The following HSD17B12 variants were observed in gnomAD, a reference collection of about 807,000 sequenced individuals.
The protein encoded by HSD17B12 is hydroxysteroid 17-beta dehydrogenase 12.
In HSD17B12, 32 loss-of-function variants were observed where a neutral mutation model predicts 39.3. That is an observed-to-expected ratio of 0.81 (90% confidence interval 0.61 to 1.09). The LOEUF is 1.09. Ranked by LOEUF, HSD17B12 falls within the 50% of genes least tolerant of loss-of-function variation. The pLI is 0.00. For synonymous variants in HSD17B12, 150 were observed against 146.7 expected (o/e 1.02, Z -0.16); for missense variants, 342 against 382.9 (o/e 0.89, Z 0.89).
At chr11:43,588,610 C>T in the HSD17B12 span, among the ~76,000 whole-genome samples, 4 of 144,974 alleles carry the variant, frequency 2.8e-5, no homozygotes, top group Non-Finnish European at 6.0e-5. Context: ...TTATTATTAG[C>T]TATTATTATT....
chr11:43,735,828 G>A (rs1445347343), intron 1 of HSD17B12, among the ~76,000 whole-genome samples: 6 of 152,144 alleles, frequency 3.9e-5, no homozygotes, highest in Admixed American at 3.3e-4. Context: ...CAATCATGGT[G>A]GAAGATGAAG....
At chr11:43,697,766 G>C (rs1949925468) in intron 1 of HSD17B12, among the ~76,000 whole-genome samples, 1 of 152,206 alleles carries the variant, frequency 6.6e-6, no homozygotes, top group South Asian at 2.1e-4. Flanking sequence ...TCTAAAAGAA[G>C]GTTGAGAGAG....
the HSD17B12 span, among the ~76,000 whole-genome samples, chr11:43,673,944 G>A: frequency 6.6e-6 from 1 of 152,160 alleles, no homozygotes; most frequent in South Asian, 2.1e-4. Flanking sequence ...CATAAAATGG[G>A]GTTAAGAGTA....
At chr11:43,581,619 G>A in the HSD17B12 span, 1 of 373,044 alleles carries the variant, frequency 2.7e-6, no homozygotes, top group Non-Finnish European at 5.5e-6. This position sits in a 1 kb window ranked among gnomAD's most constrained non-coding sequence, Gnocchi z 4.9. Context: ...CCTTTCCGCG[G>A]TGCCCGAGGC....
intron 3 of HSD17B12, among the ~76,000 whole-genome samples, chr11:43,770,251 A>G (rs1950636100): frequency 6.6e-6 from 1 of 152,204 alleles, no homozygotes; most frequent in African/African-American, 2.4e-5. Flanking sequence ...TTTTCTTCTG[A>G]AAATTTACAG....
intron 1 of HSD17B12, among the ~76,000 whole-genome samples, chr11:43,713,522 C>A (rs1267000772): frequency 1.3e-5 from 2 of 152,058 alleles, no homozygotes; most frequent in African/African-American, 2.4e-5. Context: ...TTAATCCAGT[C>A]TATCATTGTT....
At chr11:43,596,851 C>T in the HSD17B12 span, among the ~76,000 whole-genome samples, 7 of 152,200 alleles carry the variant, frequency 4.6e-5, no homozygotes, top group African/African-American at 1.7e-4. Flanking sequence ...CATCAAGTCC[C>T]CCAAAGGAGA....
At chr11:43,610,902 T>C in the HSD17B12 span, among the ~76,000 whole-genome samples, 1 of 152,154 alleles carries the variant, frequency 6.6e-6, no homozygotes, top group Non-Finnish European at 1.5e-5. Context: ...AAGAGGAACA[T>C]GGTGTTTTTC....
chr11:43,710,285 G>A (rs961281602), intron 1 of HSD17B12, among the ~76,000 whole-genome samples: 1 of 152,118 alleles, frequency 6.6e-6, no homozygotes, highest in Admixed American at 6.6e-5. Context: ...CCTTTTTACA[G>A]TTAGAGTGAT....
At chr11:43,721,514 G>A (rs1193811902) in intron 1 of HSD17B12, among the ~76,000 whole-genome samples, 2 of 152,150 alleles carry the variant, frequency 1.3e-5, no homozygotes, top group Non-Finnish European at 2.9e-5. Flanking sequence ...AGCTACTCGG[G>A]AGGCTAAGCC....
At chr11:43,838,233 ATAAT>A in intron 7 of HSD17B12, 80 bp from the exon 8 acceptor site, 1 of 930,492 alleles carries the variant, frequency 1.1e-6, no homozygotes, top group Non-Finnish European at 1.8e-6. Context: ...TCTGTTTCGA[ATAAT>A]TATATATCTC....
chr11:43,684,834 G>A (rs1565047107), intron 1 of HSD17B12, among the ~76,000 whole-genome samples: 1 of 152,102 alleles, frequency 6.6e-6, no homozygotes. Context: ...AAGAAATGCT[G>A]TACCCATTAG....
intron 4 of HSD17B12, among the ~76,000 whole-genome samples, chr11:43,809,185 A>G (rs969077788): frequency 2.0e-5 from 3 of 152,362 alleles, no homozygotes; most frequent in Admixed American, 2.0e-4. Context: ...TGACCATACA[A>G]CAATAACAAC....
At chr11:43,754,787 A>C (rs527269404) in intron 3 of HSD17B12, 1 of 674,878 alleles carries the variant, frequency 1.5e-6, no homozygotes, top group Admixed American at 2.4e-5. Flanking sequence ...CAGTGTTTCT[A>C]AATGTATAAC....
chr11:43,590,738 C>T, the HSD17B12 span, among the ~76,000 whole-genome samples: 2 of 150,156 alleles, frequency 1.3e-5, no homozygotes, highest in African/African-American at 4.9e-5. Flanking sequence ...TCTCAATCTC[C>T]TGACCTTGTG....
the HSD17B12 span, among the ~76,000 whole-genome samples, chr11:43,654,114 G>T: frequency 6.6e-6 from 1 of 152,040 alleles, no homozygotes; most frequent in Non-Finnish European, 1.5e-5. Context: ...GTATCTCATT[G>T]TGGTTTTGAT....
chr11:43,607,451 C>G, the HSD17B12 span, among the ~76,000 whole-genome samples: 3 of 152,224 alleles, frequency 2.0e-5, no homozygotes, highest in East Asian at 1.9e-4. Flanking sequence ...AGCACTGATT[C>G]AGAACCCATG....
the HSD17B12 span, chr11:43,581,382 G>C: frequency 2.0e-6 from 1 of 507,030 alleles, no homozygotes; most frequent in Non-Finnish European, 4.1e-6. The surrounding 1 kb of genome is among the most constrained non-coding windows in gnomAD (Gnocchi z 4.9). Context: ...AACCGAAGAA[G>C]CCGGCATATT....
chr11:43,588,706 A>G, the HSD17B12 span, among the ~76,000 whole-genome samples: 1 of 151,160 alleles, frequency 6.6e-6, no homozygotes, highest in Non-Finnish European at 1.5e-5. Flanking sequence ...ATAAGCAGCT[A>G]TAGGACCAGA....
Sources: allele counts gnomAD v4.1 joint callset (sites outside exome capture counted in the v4.1 genomes callset), GRCh38; gene constraint gnomAD v4.1.1; non-coding constraint Gnocchi (gnomAD v3.1); transcripts MANE v1.5; gene names NCBI Gene and HGNC (gene_info 2026-07-23, HGNC 2026-07-21).